The following MIPOL1 variants were observed in gnomAD, a reference collection of about 807,000 sequenced individuals.
The protein encoded by MIPOL1 is mirror-image polydactyly gene 1 protein.
A neutral mutation model predicts 60.9 loss-of-function variants in MIPOL1; 57 were observed. That is an observed-to-expected ratio of 0.94 (90% CI 0.76 to 1.17). The LOEUF (loss-of-function observed/expected upper bound fraction) is 1.17. Ranked by LOEUF, MIPOL1 falls within the 50% of genes most tolerant of loss-of-function variation. MIPOL1 has a pLI of 0.00. For synonymous variants in MIPOL1, 179 were observed against 168.8 expected (o/e 1.06, Z -0.47); for missense variants, 551 against 511.6 (o/e 1.08, Z -0.74).
At chr14:37,475,603 G>A (rs911302224) in intron 11 of MIPOL1, among the ~76,000 whole-genome samples, 2 of 152,040 alleles carry the variant, frequency 1.3e-5, no homozygotes, top group Admixed American at 1.3e-4. Context: ...TTTGTGAAAA[G>A]TGCAAGGTCT....
At chr14:37,259,584 AC>A (rs1304482809) in intron 3 of MIPOL1, among the ~76,000 whole-genome samples, 2 of 151,880 alleles carry the variant, frequency 1.3e-5, no homozygotes, top group African/African-American at 4.8e-5. Flanking sequence ...AACAAAAAAA[AC>A]ATAAGAAATC....
intron 12 of MIPOL1, among the ~76,000 whole-genome samples, chr14:37,510,560 A>G (rs373959607): frequency 4.6e-5 from 7 of 151,814 alleles, no homozygotes; most frequent in African/African-American, 4.8e-5. Flanking sequence ...TTTAATATCT[A>G]TTTTCTACCT....
chr14:37,292,756 C>G (rs941159015), intron 7 of MIPOL1, among the ~76,000 whole-genome samples: 5 of 152,252 alleles, frequency 3.3e-5, no homozygotes, highest in African/African-American at 1.2e-4. Flanking sequence ...GCTGGGATTA[C>G]AGGTGTTAGC....
At position 37,238,786 on chromosome 14, in the gene MIPOL1, C is replaced by CCA. The variant is rs1454814312; in HGVS notation, c.-198-8317_-198-8316insCA. Reference sequence around the variant, plus strand: ...GCAACACGGTGAAACCCCACTTCTACAAAAAAAAAAAAAAAAAATTAGATG... The same window carrying CCA: ...GCAACACGGTGAAACCCCACTTCTACCAAAAAAAAAAAAAAAAAAATTAGATG... On this transcript the variant is annotated intron_variant, in intron 1 of 12. Transcript: ENST00000684589. Among the ~76,000 whole-genome samples the CCA allele has an allele frequency of 1.5e-4, 13 of 86,902 alleles. No individual in the cohort carries two copies. The East Asian group carries it at 3.8e-3, about 26-fold the overall frequency. 57.0% of individuals were successfully genotyped at this position (86,902 alleles called of 152,430 possible).
intron 11 of MIPOL1, among the ~76,000 whole-genome samples, chr14:37,460,665 G>A (rs7145905): frequency 0.98 from 148,779 of 152,318 alleles, 72,755 homozygotes; most frequent in East Asian, 1. Flanking sequence ...GTAAAGTTTC[G>A]GGATACAAAG....
chr14:37,386,005 T>C (rs1031492211), intron 10 of MIPOL1, among the ~76,000 whole-genome samples: 4 of 152,004 alleles, frequency 2.6e-5, no homozygotes, highest in Admixed American at 6.6e-5. Flanking sequence ...TTTATAAACC[T>C]ACAAATGTAA....
chr14:37,201,552 G>C (rs1268862624), intron 1 of MIPOL1, among the ~76,000 whole-genome samples: 1 of 152,078 alleles, frequency 6.6e-6, no homozygotes, highest in Non-Finnish European at 1.5e-5. Flanking sequence ...TGTCCTTTGA[G>C]CTGTTCCATC....
chr14:37,545,920 A>G (rs2095545685), intron 12 of MIPOL1: 1 of 322,814 alleles, frequency 3.1e-6, no homozygotes, highest in Non-Finnish European at 5.7e-6. Context: ...AGTCTTTGAG[A>G]GAGGAAGATT....
intron 7 of MIPOL1, among the ~76,000 whole-genome samples, chr14:37,296,672 A>AACACCTCT (rs2085731904): frequency 6.6e-6 from 1 of 152,310 alleles, no homozygotes; most frequent in East Asian, 1.9e-4. Flanking sequence ...AAATACTATA[A>AACACCTCT]ACACCTCTAC....
intron 1 of MIPOL1, among the ~76,000 whole-genome samples, chr14:37,222,092 AGCTATATGCTTT>A (rs1968878182): frequency 6.6e-6 from 1 of 152,242 alleles, no homozygotes; most frequent in African/African-American, 2.4e-5. Context: ...GAAATTAACA[AGCTATATGCTTT>A]TTAAATACAA....
intron 1 of MIPOL1, among the ~76,000 whole-genome samples, chr14:37,233,112 T>C (rs1420935811): frequency 6.6e-6 from 1 of 152,226 alleles, no homozygotes; most frequent in African/African-American, 2.4e-5. Context: ...GGGTAACACG[T>C]GTATTTTATT....
chr14:37,467,879 A>C (rs113411673), intron 11 of MIPOL1, among the ~76,000 whole-genome samples: 26,762 of 151,424 alleles, frequency 0.18, 4,546 homozygotes, highest in African/African-American at 0.44. Context: ...CATGGTGAAA[A>C]GCCGTCTCTA....
chr14:37,227,709 G>A (rs1048746235), intron 1 of MIPOL1: 14 of 152,248 alleles, frequency 9.2e-5, no homozygotes, highest in African/African-American at 3.1e-4. Context: ...ATAATTTTTG[G>A]TGTTTCACTC....
At chr14:37,328,281 C>T (rs1056297257) in intron 9 of MIPOL1, among the ~76,000 whole-genome samples, 1 of 152,064 alleles carries the variant, frequency 6.6e-6, no homozygotes, top group Non-Finnish European at 1.5e-5. Flanking sequence ...TCTCAAAGTG[C>T]TGGGATTACA....
intron 9 of MIPOL1, among the ~76,000 whole-genome samples, chr14:37,361,745 C>G (rs1421134287): frequency 6.6e-6 from 1 of 150,790 alleles, no homozygotes; most frequent in Non-Finnish European, 1.5e-5. Flanking sequence ...GTAGCTGGGA[C>G]TACAGGCACC....
chr14:37,318,455 T>C (rs2153443808), intron 9 of MIPOL1, among the ~76,000 whole-genome samples: 1 of 152,342 alleles, frequency 6.6e-6, no homozygotes. Flanking sequence ...TCATTAATTT[T>C]TTCCCTTGTC....
intron 6 of MIPOL1, among the ~76,000 whole-genome samples, chr14:37,275,239 A>G (rs1279266767): frequency 6.6e-6 from 1 of 151,180 alleles, no homozygotes; most frequent in African/African-American, 2.4e-5. Flanking sequence ...GCTGTTTAAG[A>G]CTTTTTACTG....
At chr14:37,468,605 A>G (rs1302042753) in intron 11 of MIPOL1, among the ~76,000 whole-genome samples, 1 of 152,228 alleles carries the variant, frequency 6.6e-6, no homozygotes, top group African/African-American at 2.4e-5. Context: ...TAAGAACAAC[A>G]TGAAACAGGT....
At chr14:37,359,827 A>G (rs1248275352) in intron 9 of MIPOL1, among the ~76,000 whole-genome samples, 1 of 152,148 alleles carries the variant, frequency 6.6e-6, no homozygotes, top group Non-Finnish European at 1.5e-5. Flanking sequence ...CTCTTGCCCG[A>G]TTGCCCTGGC....
Sources: gnomAD v4.1 joint callset for allele counts (sites outside exome capture counted in the v4.1 genomes callset) on GRCh38, gnomAD v4.1.1 for gene constraint, MANE v1.5 for transcripts, NCBI Gene and HGNC (gene_info 2026-07-23, HGNC 2026-07-21) for gene names.